NOS1AP: variants seen among roughly 807,000 people sequenced by gnomAD.
NOS1AP encodes the protein nitric oxide synthase 1 adaptor protein, also known as carboxyl-terminal PDZ ligand of neuronal nitric oxide synthase protein.
NOS1AP carries 21 observed loss-of-function variants against 56.2 expected under a neutral mutation model. The observed-to-expected ratio is 0.37, with a 90% CI of 0.26 to 0.54. The LOEUF (loss-of-function observed/expected upper bound fraction) is 0.54, where lower values mean the gene tolerates loss of function less well. Among genes scored for constraint, NOS1AP ranks in the 20% least tolerant of loss-of-function variants. The pLI is 0.84. For missense variants in NOS1AP, 522 were observed against 657.8 expected (o/e 0.79, Z 2.26); for synonymous variants, 270 against 274.6 (o/e 0.98, Z 0.17).
chr1:162,299,634 C>T (rs969809593), intron 3 of NOS1AP, among the ~76,000 whole-genome samples: 6 of 152,234 alleles, frequency 3.9e-5, no homozygotes, highest in Admixed American at 2.6e-4. Flanking sequence ...TAGTTTTTGG[C>T]TGTAACTGAA....
chr1:162,214,540 T>C (rs1023061310), intron 2 of NOS1AP, among the ~76,000 whole-genome samples: 1 of 152,226 alleles, frequency 6.6e-6, no homozygotes, highest in Admixed American at 6.5e-5. Context: ...TAATTTTTTT[T>C]TCTGTTCAAA....
rs527922049 is a variant in NOS1AP at position 162,353,517 on chromosome 1, T to C, written c.596-1670T>C. On this transcript the variant is annotated intron_variant, in intron 6 of 9. Coordinates refer to ENST00000361897, the MANE Select transcript of NOS1AP (RefSeq NM_014697.3). Reference sequence around the variant, plus strand: ...ATAAGCAGCCTTCTCCTGCAGCCTGTTCTCCTGTTTTGCTACCCTGTCACT... The same window carrying C: ...ATAAGCAGCCTTCTCCTGCAGCCTGCTCTCCTGTTTTGCTACCCTGTCACT... Among the ~76,000 whole-genome samples the C allele has an allele frequency of 9.2e-5, 14 of 152,338 alleles. No homozygotes were observed. In the South Asian group the frequency reaches 2.9e-3, roughly 32 times the overall value.
chr1:162,292,771 A>C (rs1348128320), intron 3 of NOS1AP, among the ~76,000 whole-genome samples: 1 of 152,244 alleles, frequency 6.6e-6, no homozygotes, highest in Non-Finnish European at 1.5e-5. Flanking sequence ...CTGCCCAAAC[A>C]GTAGTGCTGG....
intron 4 of NOS1AP, 21 bp downstream of exon 4, chr1:162,300,727 C>G: frequency 6.2e-7 from 1 of 1,611,006 alleles, no homozygotes; most frequent in Non-Finnish European, 8.5e-7. Flanking sequence ...AGTCCAGCAC[C>G]CAAGATATCA....
intron 1 of NOS1AP, among the ~76,000 whole-genome samples, chr1:162,136,870 C>G (rs948950730): frequency 2.6e-5 from 4 of 152,294 alleles, no homozygotes; most frequent in South Asian, 2.1e-4. Flanking sequence ...TCCAAACATG[C>G]TCTGGTATTT....
intron 8 of NOS1AP, chr1:162,360,529 G>A (rs1657867073): frequency 3.6e-6 from 1 of 276,232 alleles, no homozygotes; most frequent in African/African-American, 2.2e-5. Flanking sequence ...TTTTCCTGAG[G>A]AAAGTGTTAG....
chr1:162,070,079 C>T lies in NOS1AP; in HGVS notation c.-99C>T. 1 of 962,740 alleles carries T rather than the reference C, an allele frequency of 1.0e-6. No homozygotes were observed. The highest frequency in any genetic ancestry group is 1.6e-6 in the Non-Finnish European group (1 of 620,254). The allele number at this position is 962,740 out of a possible 1,614,324, so 59.6% of individuals were successfully genotyped here. On this transcript the variant is annotated 5_prime_UTR_variant, in exon 1 of 10. The change creates a new upstream start codon in the 5' untranslated region. Transcript: ENST00000361897. ...TGCCCAGCGCTCCCAGGCCCCGCCA[C>T]GCGTCGCCGCGCCCAGCTCCAGTCT...
At chr1:162,110,629 A>G (rs1647674526) in intron 1 of NOS1AP, among the ~76,000 whole-genome samples, 1 of 152,236 alleles carries the variant, frequency 6.6e-6, no homozygotes, top group South Asian at 2.1e-4. Context: ...CCAATGACCT[A>G]TCAGAGTATG....
chr1:162,332,758 A>T (rs10919198), intron 4 of NOS1AP, among the ~76,000 whole-genome samples: 3,779 of 152,280 alleles, frequency 0.025, 67 homozygotes, highest in African/African-American at 0.043. Flanking sequence ...CCACCTCAGG[A>T]GATGGTTAAC....
intron 2 of NOS1AP, among the ~76,000 whole-genome samples, chr1:162,268,481 T>C (rs1049853224): frequency 6.6e-6 from 1 of 152,178 alleles, no homozygotes; most frequent in Non-Finnish European, 1.5e-5. Context: ...TGAAGCCTTG[T>C]GGGCAACAAG....
At chr1:162,210,151 G>T (rs1158195999) in intron 2 of NOS1AP, among the ~76,000 whole-genome samples, 4 of 152,232 alleles carry the variant, frequency 2.6e-5, no homozygotes, top group Non-Finnish European at 4.4e-5. Flanking sequence ...GTAAGGCTCT[G>T]AGGGGGAGAG....
chr1:162,364,197 C>T, intron 8 of NOS1AP: 2 of 985,418 alleles, frequency 2.0e-6, no homozygotes, highest in Non-Finnish European at 2.4e-6. Context: ...CTTTTGACTC[C>T]CCATCCATCT....
chr1:162,280,629 A>G (rs549447295), intron 2 of NOS1AP, among the ~76,000 whole-genome samples: 1 of 152,252 alleles, frequency 6.6e-6, no homozygotes, highest in African/African-American at 2.4e-5. Context: ...CTTGGTCTAC[A>G]AAGTAGGATG....
chr1:162,365,092 A>G, intron 8 of NOS1AP: 2 of 1,209,086 alleles, frequency 1.7e-6, no homozygotes, highest in Non-Finnish European at 1.1e-6. Flanking sequence ...GTGTGTGTGT[A>G]CGTGTGTGTG....
At chr1:162,309,173 A>G (rs1012928108) in intron 4 of NOS1AP, among the ~76,000 whole-genome samples, 1 of 152,240 alleles carries the variant, frequency 6.6e-6, no homozygotes, top group Admixed American at 6.5e-5. Flanking sequence ...AAATCAGGAT[A>G]CCCATGTAGT....
At position 162,269,429 on chromosome 1, in the gene NOS1AP, T is replaced by A. The variant is rs1026678949; in HGVS notation, c.178-17915T>A. Among the ~76,000 whole-genome samples the A allele has an allele frequency of 2.6e-5, 4 of 152,196 alleles. No homozygotes were observed. In the South Asian group the frequency reaches 8.3e-4, roughly 32 times the overall value. On this transcript the variant is annotated intron_variant, in intron 2 of 9. Transcript: ENST00000361897. ...TAACTTTAATTTAAGAAACGGATAA[T>A]GGCTGATATCTTGGAAATAGATAAA...
intron 4 of NOS1AP, among the ~76,000 whole-genome samples, chr1:162,300,960 T>C (rs1272093972): frequency 6.6e-6 from 1 of 152,216 alleles, no homozygotes. Context: ...TCGGTTGTAA[T>C]TGGAGACCTT....
chr1:162,183,394 A>G (rs115635356), intron 2 of NOS1AP, among the ~76,000 whole-genome samples: 5,357 of 152,316 alleles, frequency 0.035, 136 homozygotes, highest in Non-Finnish European at 0.049. Flanking sequence ...GACTTTCAAA[A>G]TAGTAAATGA....
intron 1 of NOS1AP, among the ~76,000 whole-genome samples, chr1:162,148,528 G>A (rs1649577755): frequency 6.6e-6 from 1 of 152,228 alleles, no homozygotes; most frequent in Non-Finnish European, 1.5e-5. Flanking sequence ...TGCACAGGGA[G>A]GAACATGTGT....
Sources: gnomAD v4.1 joint callset for allele counts (sites outside exome capture counted in the v4.1 genomes callset) on GRCh38, gnomAD v4.1.1 for gene constraint, MANE v1.5 for transcripts, NCBI Gene and HGNC (gene_info 2026-07-23, HGNC 2026-07-21) for gene names.